POLE2: variants seen among roughly 807,000 people sequenced by gnomAD.
POLE2 encodes the protein DNA polymerase epsilon 2, accessory subunit, also known as DNA polymerase epsilon subunit 2.
A neutral mutation model predicts 79.4 loss-of-function variants in POLE2; 56 were observed. The ratio of observed to expected loss-of-function variants is 0.71; its 90% CI spans 0.57 to 0.88. POLE2 has a LOEUF of 0.88. POLE2 is among the 40% of genes least tolerant of loss of function. The pLI is 0.00. For synonymous variants in POLE2, 212 were observed against 214.0 expected (o/e 0.99, Z 0.08); for missense variants, 598 against 638.9 (o/e 0.94, Z 0.69).
At chr14:49,654,732 T>G (rs1443107873) in intron 13 of POLE2, 52 bp downstream of exon 13, 14 of 1,330,526 alleles carry the variant, frequency 1.1e-5, no homozygotes, top group South Asian at 3.4e-5. Flanking sequence ...TCATTTTTTG[T>G]TTTTTTTTTA....
chr14:49,686,165 C>A (rs925947513), intron 1 of POLE2, among the ~76,000 whole-genome samples: 2 of 152,006 alleles, frequency 1.3e-5, no homozygotes, highest in Non-Finnish European at 2.9e-5. Context: ...AATCCCCTGC[C>A]CTTAAGTGTG....
chr14:49,685,430 G>C (rs369652300), intron 1 of POLE2, among the ~76,000 whole-genome samples: 1 of 151,986 alleles, frequency 6.6e-6, no homozygotes, highest in East Asian at 1.9e-4. Flanking sequence ...ATACATTTTG[G>C]TTGCATCTTG....
intron 8 of POLE2, 66 bp downstream of exon 8, chr14:49,665,041 A>T (rs570353944): frequency 1.0e-5 from 8 of 766,492 alleles, no homozygotes; most frequent in Non-Finnish European, 1.8e-5. Flanking sequence ...TTTTAGAAGG[A>T]TATATAATCA....
intron 5 of POLE2, among the ~76,000 whole-genome samples, chr14:49,669,849 T>C (rs1885749728): frequency 6.6e-6 from 1 of 152,182 alleles, no homozygotes; most frequent in Admixed American, 6.5e-5. Context: ...AGGCTGAGGA[T>C]ATGAAGAACA....
intron 1 of POLE2, among the ~76,000 whole-genome samples, chr14:49,685,789 G>GTTTT (rs553198026): frequency 0.046 from 6,657 of 144,216 alleles, 501 homozygotes; most frequent in African/African-American, 0.16. Flanking sequence ...TGGCTGGTTG[G>GTTTT]TTTTTTTTTT....
chr14:49,687,538 G>A (rs1418431644), intron 1 of POLE2, among the ~76,000 whole-genome samples: 2 of 151,984 alleles, frequency 1.3e-5, no homozygotes, highest in African/African-American at 4.8e-5. Flanking sequence ...CCTGAGAGCT[G>A]TCCAGGTCAC....
In POLE2 at chr14:49,650,297, T is replaced by C. The variant is rs758884549; in HGVS notation, c.1465A>G (p.Thr489Ala). Reference protein sequence around the residue: ...VIADKYDPFTTTNTECLCINP... With the variant: ...VIADKYDPFTATNTECLCINP... Reference sequence around the variant, plus strand: ...ATGCAGAGGCATTCGGTATTTGTCGTAGTGAAAGGATCATATTTGTCTGCA... The same window carrying C: ...ATGCAGAGGCATTCGGTATTTGTCGCAGTGAAAGGATCATATTTGTCTGCA... The change falls in exon 17 of 19, where the codon ACG becomes GCG. Residue 489 changes from threonine (T) to alanine (A), a missense_variant. Physicochemically the swap from Thr to Ala is moderately conservative, Grantham distance 58. Transcript: ENST00000216367. 8 of 1,606,896 alleles carry C rather than the reference T, an allele frequency of 5.0e-6. No individual in the cohort carries two copies. In the South Asian group the frequency reaches 5.5e-5, roughly 11 times the overall value.
At chr14:49,666,459 T>C (rs762335421) in intron 6 of POLE2, 46 bp from the exon 7 acceptor site, 2 of 820,838 alleles carry the variant, frequency 2.4e-6, no homozygotes. Flanking sequence ...ATATATTCTT[T>C]CAAGAAACAA....
At chr14:49,651,404 G>T in intron 15 of POLE2, 27 bp from the exon 16 acceptor site, 1 of 958,434 alleles carries the variant, frequency 1.0e-6, no homozygotes, top group South Asian at 1.6e-5. Flanking sequence ...AGTTGAATTT[G>T]ACTTCTCAGA....
intron 5 of POLE2, among the ~76,000 whole-genome samples, chr14:49,672,653 C>T (rs149183621): frequency 6.6e-5 from 10 of 152,252 alleles, no homozygotes; most frequent in African/African-American, 2.4e-4. Context: ...GCATGTGCCA[C>T]CATGCCTGAC....
chr14:49,663,253 T>G, intron 10 of POLE2, 62 bp downstream of exon 10: 1 of 774,208 alleles, frequency 1.3e-6, no homozygotes, highest in Non-Finnish European at 2.0e-6. Context: ...ACGTACTATC[T>G]TACATTCACT....
intron 5 of POLE2, among the ~76,000 whole-genome samples, chr14:49,672,008 G>C (rs371260966): frequency 6.6e-6 from 1 of 152,104 alleles, no homozygotes; most frequent in African/African-American, 2.4e-5. Context: ...GATCAAGACA[G>C]GCTCCAGAAA....
chr14:49,681,848 A>AC (rs1182064344), intron 2 of POLE2: 1 of 150,910 alleles, frequency 6.6e-6, no homozygotes, highest in East Asian at 2.0e-4. Context: ...AAAAAAAAAA[A>AC]GGGAGAGGAG....
intron 5 of POLE2, 135 bp downstream of exon 5, chr14:49,673,988 A>G: frequency 1.5e-6 from 1 of 677,066 alleles, no homozygotes; most frequent in African/African-American, 1.8e-5. Context: ...AATCTTAATA[A>G]CAGTTTATTG....
chr14:49,655,136 ACAAAT>A, intron 11 of POLE2, 42 bp from the exon 12 acceptor site: 2 of 942,002 alleles, frequency 2.1e-6, no homozygotes, highest in Non-Finnish European at 3.0e-6. Context: ...TTTCTAGTCT[ACAAAT>A]CAAGTTAAAA....
In POLE2 at chr14:49,655,775, A is replaced by T; in HGVS notation, c.824T>A (p.Leu275Gln). Reference sequence around the variant, plus strand: ...TTTATTCTCCTCTTCTAGCTGTTTTAGTTTTGCAGAAGTCTTCACAGATGT... The same window carrying T: ...TTTATTCTCCTCTTCTAGCTGTTTTTGTTTTGCAGAAGTCTTCACAGATGT... ...SNTSVKTSAK[L>Q]KQLEEENKDA... The change falls in exon 11 of 19, where the codon CTA becomes CAA. Residue 275 changes from leucine (L) to glutamine (Q), a missense_variant. By Grantham distance (113) the Leu-to-Gln change is moderately radical (BLOSUM62 -2). Coordinates refer to ENST00000216367, the MANE Select transcript of POLE2 (RefSeq NM_002692.4). 3.7e-6 allele frequency: 6 copies of T among 1,607,190 alleles called. No homozygotes were observed. The highest frequency in any genetic ancestry group is 5.1e-6 in the Non-Finnish European group (6 of 1,174,350).
At chr14:49,651,179 C>T (rs1884196695) in intron 16 of POLE2, 90 bp downstream of exon 16, 2 of 607,190 alleles carry the variant, frequency 3.3e-6, no homozygotes, top group African/African-American at 1.9e-5. Context: ...AATAAATGTC[C>T]TAACCCAAGG....
chr14:49,654,361 C>T (rs1290169061), intron 13 of POLE2, 147 bp from the exon 14 acceptor site: 1 of 637,058 alleles, frequency 1.6e-6, no homozygotes, highest in East Asian at 2.8e-5. Flanking sequence ...ATTAAGTCTC[C>T]AGACCAACAC....
intron 2 of POLE2, among the ~76,000 whole-genome samples, chr14:49,680,554 G>A (rs1353581385): frequency 6.6e-6 from 1 of 152,134 alleles, no homozygotes; most frequent in Non-Finnish European, 1.5e-5. Flanking sequence ...CTGTAAGACT[G>A]ATGTTAAGAT....
Sources: allele counts gnomAD v4.1 joint callset (sites outside exome capture counted in the v4.1 genomes callset), GRCh38; gene constraint gnomAD v4.1.1; transcripts MANE v1.5; gene names NCBI Gene and HGNC (gene_info 2026-07-23, HGNC 2026-07-21).